CACNA2D4: variants seen among roughly 807,000 people sequenced by gnomAD.
The protein encoded by CACNA2D4 is calcium voltage-gated channel auxiliary subunit alpha2delta 4.
In CACNA2D4, 157 loss-of-function variants were observed where a neutral mutation model predicts 163.8. That is an observed-to-expected ratio of 0.96 (90% CI 0.84 to 1.09). CACNA2D4 has a LOEUF of 1.09. CACNA2D4 is among the 50% of genes least tolerant of loss of function. The probability of loss-of-function intolerance (pLI) is 0.00; values close to 1 mark genes in which losing one functional copy is unlikely to be tolerated. For synonymous variants in CACNA2D4, 598 were observed against 586.9 expected, an observed-to-expected ratio of 1.02 and a Z score of -0.27; for missense variants, 1,410 against 1,479.9, an observed-to-expected ratio of 0.95 and a Z score of 0.78.
rs189796796 is a variant in CACNA2D4 at position 1,815,771 on chromosome 12, C to G, written c.2552-4048G>C. Among the ~76,000 whole-genome samples the G allele has an allele frequency of 3.2e-3, 494 of 152,322 alleles. 5 individuals carry two copies. Among genetic ancestry groups the G allele is most frequent in the African/African-American group, 0.011 (475 of 41,580 alleles). On this transcript the variant is annotated intron_variant, in intron 26 of 37. Coordinates refer to ENST00000382722, the MANE Select transcript of CACNA2D4 (RefSeq NM_172364.5). ...CTTCCTCTCCATTTTGCTGTGCCCT[C>G]TCACTGTCCCTGAACTTGAGATCCT...
chr12:1,883,016 C>T lies in CACNA2D4; in HGVS notation c.1352-16G>A, dbSNP rs1189231085. The T allele has an allele frequency of 1.2e-6, 2 of 1,608,648 alleles. No individual in the cohort carries two copies. The highest frequency in any genetic ancestry group is 8.5e-7 in the Non-Finnish European group (1 of 1,177,478). On this transcript the variant is annotated splice_polypyrimidine_tract_variant and intron_variant, in intron 12 of 37. Coordinates refer to ENST00000382722, the MANE Select transcript of CACNA2D4 (RefSeq NM_172364.5). This position sits in a 1 kb window ranked among gnomAD's most constrained non-coding sequence, Gnocchi z 4.5. Reference sequence around the variant, plus strand: ...GTGTAGTAGCCTGCGGTGGGGAAGGCCGCGTGGGTGTGGAAGGCAGGGCTT... The same window carrying T: ...GTGTAGTAGCCTGCGGTGGGGAAGGTCGCGTGGGTGTGGAAGGCAGGGCTT...
Position 1,856,228 on chromosome 12 carries a change from G to T in CACNA2D4, c.2010C>A (p.Gly670=). 1.2e-6 allele frequency: 2 copies of T among 1,613,996 alleles called. No individual in the cohort carries two copies. The highest frequency in any genetic ancestry group is 1.7e-6 in the Non-Finnish European group (2 of 1,179,882). Residue 670 remains glycine, a splice_region_variant and synonymous_variant, in exon 21 of 38, where the codon GGC becomes GGA. Coordinates refer to ENST00000382722, the MANE Select transcript of CACNA2D4 (RefSeq NM_172364.5). ...GGTCTGGGTGAAGCAAGTCATGCAG[G>T]CCTGAAACCAGAGTCCACATTCAGG... ...ILLGNTSVEE[G]LHDLLHPDLA... is the part of the protein sequence containing the mutation.
chr12:1,878,906 T>C lies in CACNA2D4; in HGVS notation c.1644+50A>G, dbSNP rs1260308246. 6.5e-7 allele frequency: 1 copy of C among 1,542,282 alleles called. No individual in the cohort carries two copies. The highest frequency in any genetic ancestry group is 1.4e-5 in the African/African-American group (1 of 73,032). ...GAGGCTCCCATCACGGGGGAGGGAG[T>C]TTGCTCCTGGGGAACCTGTGATCCC... On this transcript the variant is annotated intron_variant, in intron 15 of 37. Coordinates refer to ENST00000382722, the MANE Select transcript of CACNA2D4 (RefSeq NM_172364.5). The surrounding 1 kb of genome is among the most constrained non-coding windows in gnomAD (Gnocchi z 4.6).
intron 26 of CACNA2D4, among the ~76,000 whole-genome samples, chr12:1,823,604 T>C (rs1282286088): frequency 6.8e-6 from 1 of 147,502 alleles, no homozygotes; most frequent in East Asian, 2.0e-4. Flanking sequence ...TCCGGCCTAC[T>C]CCCCTCACCT....
In CACNA2D4 at chr12:1,795,736, AG is replaced by A. The variant is rs781436903; in HGVS notation, c.3157del (p.Leu1053TrpfsTer2). ...GCAGTCACAGGTGGGGTCTGTCACCAGGAGGAGGAGGTTACTGTTGGGAATC... is the reference window on the plus strand; with the variant it reads ...GCAGTCACAGGTGGGGTCTGTCACCAGAGGAGGAGGTTACTGTTGGGAATC... ...QQIPNSNLLL[L>X]VTDPTCDCSI... On this transcript the variant is annotated frameshift_variant, in exon 36 of 38. Coordinates refer to ENST00000382722, the MANE Select transcript of CACNA2D4 (RefSeq NM_172364.5). LOFTEE classifies it high-confidence loss of function. 6.2e-7 allele frequency: 1 copy of A among 1,612,470 alleles called. No homozygotes were observed. The highest frequency in any genetic ancestry group is 2.2e-5 in the East Asian group (1 of 44,860).
At chr12:1,822,718 A>T (rs1316829515) in intron 26 of CACNA2D4, among the ~76,000 whole-genome samples, 1 of 152,248 alleles carries the variant, frequency 6.6e-6, no homozygotes, top group East Asian at 1.9e-4. Context: ...AGAGATTTTT[A>T]AAACCTGGTT....
intron 29 of CACNA2D4, among the ~76,000 whole-genome samples, chr12:1,805,695 C>T (rs1189252523): frequency 6.6e-6 from 1 of 152,200 alleles, no homozygotes; most frequent in Non-Finnish European, 1.5e-5. Flanking sequence ...TGCCTCTGAC[C>T]ACGACAGGAT....
chr12:1,794,090 A>C (rs1863045920), intron 37 of CACNA2D4, among the ~76,000 whole-genome samples: 1 of 152,198 alleles, frequency 6.6e-6, no homozygotes, highest in African/African-American at 2.4e-5. Context: ...CACCCGGCTC[A>C]GGGCCTGACA....
At chr12:1,900,244 C>T (rs776278518) in intron 6 of CACNA2D4, among the ~76,000 whole-genome samples, 1 of 152,192 alleles carries the variant, frequency 6.6e-6, no homozygotes. Flanking sequence ...ATCCTCCCAC[C>T]TCAGTCTCCT....
intron 20 of CACNA2D4, among the ~76,000 whole-genome samples, chr12:1,858,012 C>T (rs904193395): frequency 6.6e-6 from 1 of 152,206 alleles, no homozygotes; most frequent in African/African-American, 2.4e-5. Flanking sequence ...ACGAGGAGCA[C>T]CTGAGGCTCC....
chr12:1,817,853 G>T (rs543090325), intron 26 of CACNA2D4, among the ~76,000 whole-genome samples: 47 of 150,796 alleles, frequency 3.1e-4, no homozygotes, highest in Non-Finnish European at 6.2e-4. Context: ...CCTCCCAGCC[G>T]CCTGCCTTGG....
At chr12:1,884,734 C>T (rs2154449741) in intron 11 of CACNA2D4, 34 bp downstream of exon 11, 2 of 1,452,236 alleles carry the variant, frequency 1.4e-6, no homozygotes, top group Non-Finnish European at 1.9e-6. Context: ...GCAGGAGAAG[C>T]TTTTTTCTCC....
chr12:1,881,484 C>T lies in CACNA2D4; in HGVS notation c.1485+1383G>A, dbSNP rs572789677. Among the ~76,000 whole-genome samples, 4 of 152,390 alleles carry T rather than the reference C, an allele frequency of 2.6e-5. No homozygotes were observed. In the East Asian group the frequency reaches 7.7e-4, roughly 29 times the overall value. On this transcript the variant is annotated intron_variant, in intron 13 of 37. Transcript: ENST00000382722. ...TCCAGCTCCCGTGGCATGACCACAA[C>T]ACTCCCAGGTGAGGGAGGCCCACAC...
chr12:1,915,904 C>T (rs538223911), intron 1 of CACNA2D4, among the ~76,000 whole-genome samples: 23 of 152,352 alleles, frequency 1.5e-4, no homozygotes, highest in African/African-American at 4.8e-4. Flanking sequence ...CCTGGAGCCA[C>T]CCCACAGTCC....
chr12:1,850,695 G>C (rs1359649145), intron 23 of CACNA2D4, among the ~76,000 whole-genome samples: 1 of 152,030 alleles, frequency 6.6e-6, no homozygotes, highest in African/African-American at 2.4e-5. Flanking sequence ...ATGAGGTCAG[G>C]AGATTGAGAC....
In CACNA2D4 at chr12:1,869,342, T is replaced by C. The variant is rs542398432; in HGVS notation, c.1878+5262A>G. On this transcript the variant is annotated intron_variant, in intron 18 of 37. Coordinates refer to ENST00000382722, the MANE Select transcript of CACNA2D4 (RefSeq NM_172364.5). This position sits in a 1 kb window ranked among gnomAD's most constrained non-coding sequence, Gnocchi z 4.7. ...TGCCACTCTTTGCTGTAACCTACCGTCGTGCTTTCTAGGCATGGGCCGAAG... is the reference window on the plus strand; with the variant it reads ...TGCCACTCTTTGCTGTAACCTACCGCCGTGCTTTCTAGGCATGGGCCGAAG... Among the ~76,000 whole-genome samples, 15 of 152,318 alleles carry C rather than the reference T, an allele frequency of 9.8e-5. No individual in the cohort carries two copies. In the East Asian group the frequency reaches 2.1e-3, roughly 22 times the overall value.
At position 1,878,862 on chromosome 12, in the gene CACNA2D4, G is replaced by T; in HGVS notation, c.1644+94C>A. Reference sequence around the variant, plus strand: ...ATGGAGGGGCCCCACCCCAGCTCTGGGCTTGGCTTGCCTGGAGAGAGGCTC... The same window carrying T: ...ATGGAGGGGCCCCACCCCAGCTCTGTGCTTGGCTTGCCTGGAGAGAGGCTC... On this transcript the variant is annotated intron_variant, in intron 15 of 37. Transcript: ENST00000382722. This position sits in a 1 kb window ranked among gnomAD's most constrained non-coding sequence, Gnocchi z 4.6. The T allele has an allele frequency of 8.1e-7, 1 of 1,236,458 alleles. No homozygotes were observed. The highest frequency in any genetic ancestry group is 1.5e-5 in the African/African-American group (1 of 66,784). 76.6% of individuals were successfully genotyped at this position (1,236,458 alleles called of 1,614,324 possible).
chr12:1,805,672 C>T (rs1863510996), intron 29 of CACNA2D4, among the ~76,000 whole-genome samples: 2 of 152,208 alleles, frequency 1.3e-5, no homozygotes. Flanking sequence ...CCCAGAAAGC[C>T]ACCTGAAGAG....
In CACNA2D4 at chr12:1,797,678, G is replaced by A; in HGVS notation, c.2996-143C>T. The stretch of plus-strand genomic sequence containing the variant: ...GGCAGTTCTCAGGACACGCGTGGGA[G>A]GAGCCGGGCGGGGGGTGAGGGGAGG... On this transcript the variant is annotated intron_variant, in intron 34 of 37. Transcript: ENST00000382722. 4.2e-6 allele frequency: 3 copies of A among 708,482 alleles called. No homozygotes were observed. The South Asian group carries it at 4.6e-5, about 11-fold the overall frequency. 43.9% of individuals were successfully genotyped at this position (708,482 alleles called of 1,614,324 possible). A position where few individuals can be genotyped will look rare whatever the true frequency, so the allele number is the denominator to read the frequency against.
Sources: allele counts gnomAD v4.1 joint callset (sites outside exome capture counted in the v4.1 genomes callset), GRCh38; gene constraint gnomAD v4.1.1; non-coding constraint Gnocchi (gnomAD v3.1); transcripts MANE v1.5; gene names NCBI Gene and HGNC (gene_info 2026-07-23, HGNC 2026-07-21).